The following ADAM32 variants were observed in gnomAD, a reference collection of about 807,000 sequenced individuals.
The protein encoded by ADAM32 is ADAM metallopeptidase domain 32.
ADAM32 carries 89 observed loss-of-function variants against 114.9 expected under a neutral mutation model. The observed-to-expected ratio is 0.77, with a 90% CI of 0.65 to 0.92. The LOEUF is 0.92. ADAM32 is among the 40% of genes least tolerant of loss of function. The pLI, the probability that ADAM32 is intolerant of heterozygous loss-of-function variation, is 0.00. For synonymous variants in ADAM32, 285 were observed against 307.5 expected, an observed-to-expected ratio of 0.93 and a Z score of 0.77; for missense variants, 870 against 932.8, an observed-to-expected ratio of 0.93 and a Z score of 0.88.
At chr8:39,195,854 A>G (rs2129447582) in intron 11 of ADAM32, among the ~76,000 whole-genome samples, 1 of 151,930 alleles carries the variant, frequency 6.6e-6, no homozygotes, top group East Asian at 1.9e-4. Flanking sequence ...TAATTTTAGG[A>G]TTGTTTTTTC....
intron 19 of ADAM32, among the ~76,000 whole-genome samples, chr8:39,269,415 C>T (rs1183428462): frequency 6.6e-6 from 1 of 152,176 alleles, no homozygotes; most frequent in East Asian, 1.9e-4. Flanking sequence ...TAAATTTAGT[C>T]TTACCCCATC....
chr8:39,125,468 T>C (rs1802058145), intron 2 of ADAM32, among the ~76,000 whole-genome samples: 2 of 152,186 alleles, frequency 1.3e-5, no homozygotes, highest in African/African-American at 4.8e-5. Context: ...ATAACTTGAA[T>C]CTCAACCGTA....
intron 12 of ADAM32, among the ~76,000 whole-genome samples, chr8:39,214,763 C>A (rs1412446011): frequency 6.6e-6 from 1 of 152,078 alleles, no homozygotes; most frequent in Non-Finnish European, 1.5e-5. Flanking sequence ...AATCTTTGTC[C>A]AGTCCAATGT....
chr8:39,266,650 A>G (rs1359477894), intron 19 of ADAM32, among the ~76,000 whole-genome samples: 8 of 152,188 alleles, frequency 5.3e-5, no homozygotes, highest in South Asian at 2.1e-4. Context: ...TATGTCTGTC[A>G]TTATAGCCAT....
chr8:39,259,585 T>A (rs1244797157), intron 19 of ADAM32, among the ~76,000 whole-genome samples: 2 of 152,214 alleles, frequency 1.3e-5, no homozygotes, highest in African/African-American at 2.4e-5. Flanking sequence ...ACCCAAGGAC[T>A]TCAGTCATTT....
intron 10 of ADAM32, among the ~76,000 whole-genome samples, chr8:39,183,358 G>T (rs759866414): frequency 3.3e-5 from 5 of 152,154 alleles, no homozygotes; most frequent in Non-Finnish European, 5.9e-5. Context: ...GTCCCAGAAT[G>T]GTGGGGAAGT....
chr8:39,133,010 C>T (rs1802555677), intron 2 of ADAM32, among the ~76,000 whole-genome samples: 1 of 152,012 alleles, frequency 6.6e-6, no homozygotes, highest in African/African-American at 2.4e-5. Context: ...TGTTTTCCTT[C>T]AAATTTTGAA....
chr8:39,135,909 C>T (rs1802773928), intron 2 of ADAM32, among the ~76,000 whole-genome samples: 1 of 152,100 alleles, frequency 6.6e-6, no homozygotes, highest in Non-Finnish European at 1.5e-5. Context: ...TCATTTCTGA[C>T]CTGGAAACAA....
At chr8:39,139,324 C>T (rs1414794081) in intron 3 of ADAM32, among the ~76,000 whole-genome samples, 1 of 152,188 alleles carries the variant, frequency 6.6e-6, no homozygotes, top group East Asian at 1.9e-4. Context: ...ACATTTAAGT[C>T]TTTAATCCAT....
At chr8:39,250,176 T>C (rs913955462) in intron 17 of ADAM32, among the ~76,000 whole-genome samples, 1 of 152,046 alleles carries the variant, frequency 6.6e-6, no homozygotes, top group African/African-American at 2.4e-5. Flanking sequence ...TCTATTCCAT[T>C]CTTTTTTGTT....
At chr8:39,135,195 G>A (rs928250885) in intron 2 of ADAM32, among the ~76,000 whole-genome samples, 2 of 152,132 alleles carry the variant, frequency 1.3e-5, no homozygotes, top group Non-Finnish European at 2.9e-5. Context: ...AGATGCTCAA[G>A]CATCTGTGTT....
intron 18 of ADAM32, 124 bp from the exon 19 acceptor site, chr8:39,257,063 T>C (rs1811690190): frequency 9.6e-7 from 1 of 1,036,304 alleles, no homozygotes; most frequent in East Asian, 2.6e-5. Context: ...TCTATAATGA[T>C]TTTTTCCATG....
intron 10 of ADAM32, among the ~76,000 whole-genome samples, chr8:39,183,928 CATACCTGGG>C (rs372821817): frequency 2.6e-5 from 4 of 152,322 alleles, no homozygotes; most frequent in African/African-American, 9.6e-5. Context: ...AAGGAAAATC[CATACCTGGG>C]ATACACGAGG....
intron 7 of ADAM32, among the ~76,000 whole-genome samples, chr8:39,164,346 T>G (rs1804697246): frequency 6.6e-6 from 1 of 152,242 alleles, no homozygotes; most frequent in Non-Finnish European, 1.5e-5. Flanking sequence ...ATGGTAGGAA[T>G]GTACTACAGT....
At chr8:39,237,103 C>A (rs1298148323) in intron 16 of ADAM32, among the ~76,000 whole-genome samples, 3 of 152,178 alleles carry the variant, frequency 2.0e-5, no homozygotes, top group African/African-American at 7.2e-5. Context: ...AAATCCAGAT[C>A]ACAGGAGAAT....
intron 2 of ADAM32, among the ~76,000 whole-genome samples, chr8:39,118,457 A>T (rs1453467145): frequency 6.6e-6 from 1 of 152,148 alleles, no homozygotes; most frequent in Non-Finnish European, 1.5e-5. Context: ...GCACAAAGAG[A>T]ATAATTTTCT....
Position 39,257,198 on chromosome 8 carries a change from G to T in ADAM32, c.2017G>T (p.Glu673Ter). 6.3e-7 allele frequency: 1 copy of T among 1,580,958 alleles called. No individual in the cohort carries two copies. The stretch of plus-strand genomic sequence containing the variant: ...ATTTCTGTTTTTAGGTTCAATCATG[G>T]AAAGAGCATCTGGGAAGACTGAAAA... ...FPEEDMGSIM[E>*]RASGKTENTW... is the part of the protein sequence containing the mutation. The change falls in exon 19 of 25, where the codon GAA becomes TAA. Residue 673 changes from glutamate (E) to a stop codon, truncating the protein, a stop_gained. Transcript: ENST00000379907. LOFTEE classifies it high-confidence loss of function.
intron 3 of ADAM32, among the ~76,000 whole-genome samples, chr8:39,137,872 A>T (rs747919770): frequency 6.6e-6 from 1 of 152,214 alleles, no homozygotes; most frequent in Non-Finnish European, 1.5e-5. Context: ...CAGAAGAGAA[A>T]AAGAATATGG....
intron 1 of ADAM32, among the ~76,000 whole-genome samples, chr8:39,112,779 TAAAG>T (rs1363590166): frequency 2.0e-5 from 3 of 152,180 alleles, no homozygotes; most frequent in African/African-American, 4.8e-5. Flanking sequence ...AGGGTTTAAA[TAAAG>T]AGAGTTTAGC....
Sources: gnomAD v4.1 joint callset for allele counts (sites outside exome capture counted in the v4.1 genomes callset) on GRCh38, gnomAD v4.1.1 for gene constraint, MANE v1.5 for transcripts, NCBI Gene and HGNC (gene_info 2026-07-23, HGNC 2026-07-21) for gene names.